LGSN: variants seen among roughly 807,000 people sequenced by gnomAD.
LGSN encodes lengsin, lens protein with glutamine synthetase domain.
In LGSN, 21 loss-of-function variants were observed where a neutral mutation model predicts 19.5. The ratio of observed to expected loss-of-function variants is 1.07; its 90% CI spans 0.76 to 1.55. The LOEUF (loss-of-function observed/expected upper bound fraction) is 1.55, where lower values mean the gene tolerates loss of function less well. LGSN is among the 40% of genes most tolerant of loss of function. The pLI is 0.00. For synonymous variants in LGSN, 257 were observed against 215.6 expected (o/e 1.19, Z -1.68); for missense variants, 673 against 608.5 (o/e 1.11, Z -1.12).
At chr6:63,479,061 G>C in the LGSN span, among the ~76,000 whole-genome samples, 1 of 152,272 alleles carries the variant, frequency 6.6e-6, no homozygotes, top group South Asian at 2.1e-4. Flanking sequence ...TAACTCACTG[G>C]TCTGTCTGGA....
At chr6:63,450,073 A>G in the LGSN span, among the ~76,000 whole-genome samples, 1 of 151,660 alleles carries the variant, frequency 6.6e-6, no homozygotes, top group Non-Finnish European at 1.5e-5. Flanking sequence ...ATGGCCAGGC[A>G]TGGTGGCTCA....
At chr6:63,572,589 C>T in the LGSN span, 2 of 416,264 alleles carry the variant, frequency 4.8e-6, no homozygotes, top group African/African-American at 2.0e-5. Context: ...CCGCCTGCAT[C>T]GCCGCCACCG....
the LGSN span, among the ~76,000 whole-genome samples, chr6:63,552,132 T>A: frequency 6.6e-6 from 1 of 152,206 alleles, no homozygotes; most frequent in Non-Finnish European, 1.5e-5. Context: ...ACTTCCACAA[T>A]GGTTGAACTA....
intron 2 of LGSN, among the ~76,000 whole-genome samples, chr6:63,290,655 C>T (rs915079166): frequency 1.3e-5 from 2 of 152,166 alleles, no homozygotes; most frequent in Non-Finnish European, 2.9e-5. Flanking sequence ...CTCTACTTCA[C>T]GGGGTGGCAA....
At chr6:63,453,331 T>C in the LGSN span, among the ~76,000 whole-genome samples, 1 of 152,178 alleles carries the variant, frequency 6.6e-6, no homozygotes, top group Admixed American at 6.5e-5. Flanking sequence ...TCCTTTCTAA[T>C]TTTCTCTCTA....
At chr6:63,412,733 A>C in the LGSN span, among the ~76,000 whole-genome samples, 32 of 54,388 alleles carry the variant, frequency 5.9e-4, no homozygotes, top group African/African-American at 3.3e-3. Flanking sequence ...GAAAGAAAGA[A>C]AGAAAGAAAG....
At chr6:63,488,107 T>C in the LGSN span, among the ~76,000 whole-genome samples, 2 of 152,232 alleles carry the variant, frequency 1.3e-5, no homozygotes, top group South Asian at 2.1e-4. Flanking sequence ...ATATTAATAA[T>C]ATCCAGCTGC....
At chr6:63,467,730 T>G in the LGSN span, among the ~76,000 whole-genome samples, 1 of 152,176 alleles carries the variant, frequency 6.6e-6, no homozygotes, top group African/African-American at 2.4e-5. Context: ...CTCACTCTGT[T>G]GCCCAGGCTG....
chr6:63,443,512 ACACCATC>A, the LGSN span: 1 of 577,408 alleles, frequency 1.7e-6, no homozygotes. Flanking sequence ...ACCAGCGTGA[ACACCATC>A]TGTGACAATG....
the LGSN span, among the ~76,000 whole-genome samples, chr6:63,451,672 A>C: frequency 6.6e-6 from 1 of 152,148 alleles, no homozygotes; most frequent in African/African-American, 2.4e-5. Flanking sequence ...CTGGGTGATG[A>C]AATAATCTGT....
intron 1 of LGSN, among the ~76,000 whole-genome samples, chr6:63,316,394 G>A (rs1319654028): frequency 6.6e-6 from 1 of 152,070 alleles, no homozygotes; most frequent in Non-Finnish European, 1.5e-5. Flanking sequence ...ACCTCTGTGG[G>A]CAAGTTATGC....
At chr6:63,557,735 C>T in the LGSN span, among the ~76,000 whole-genome samples, 5 of 151,886 alleles carry the variant, frequency 3.3e-5, no homozygotes, top group African/African-American at 7.3e-5. Context: ...GAGTGGAGCA[C>T]GAGGTAGGGC....
the LGSN span, among the ~76,000 whole-genome samples, chr6:63,443,751 A>C: frequency 6.6e-6 from 1 of 152,136 alleles, no homozygotes. Context: ...TTCCTTAGTC[A>C]GGGTTTCCTG....
the LGSN span, among the ~76,000 whole-genome samples, chr6:63,423,907 G>T: frequency 2.0e-5 from 3 of 152,084 alleles, no homozygotes; most frequent in African/African-American, 7.2e-5. Flanking sequence ...GGGCATGGTG[G>T]CGCATGCCTG....
chr6:63,387,885 AG>A, the LGSN span, among the ~76,000 whole-genome samples: 1 of 151,816 alleles, frequency 6.6e-6, no homozygotes, highest in Non-Finnish European at 1.5e-5. Context: ...ATTGATTTTG[AG>A]TCAGAGTCTT....
chr6:63,392,571 C>G, the LGSN span: 1 of 152,252 alleles, frequency 6.6e-6, no homozygotes, highest in African/African-American at 2.4e-5. Context: ...GGTGCCCATG[C>G]GCCACAGACC....
chr6:63,526,742 T>A, the LGSN span, among the ~76,000 whole-genome samples: 3 of 145,888 alleles, frequency 2.1e-5, no homozygotes, highest in South Asian at 4.4e-4. Flanking sequence ...GAGGCTGCAG[T>A]GAGTCGAGAT....
At chr6:63,528,190 A>G in the LGSN span, 1 of 152,238 alleles carries the variant, frequency 6.6e-6, no homozygotes, top group South Asian at 2.1e-4. Context: ...CTAGTGAGCC[A>G]CTGAAATTCT....
At chr6:63,313,218 C>A (rs1253647075) in intron 1 of LGSN, among the ~76,000 whole-genome samples, 1 of 151,926 alleles carries the variant, frequency 6.6e-6, no homozygotes, top group Non-Finnish European at 1.5e-5. Flanking sequence ...ACCAATGGAC[C>A]ATGCTGCTGA....
Sources: gnomAD v4.1 joint callset for allele counts (sites outside exome capture counted in the v4.1 genomes callset) on GRCh38, gnomAD v4.1.1 for gene constraint, MANE v1.5 for transcripts, NCBI Gene and HGNC (gene_info 2026-07-23, HGNC 2026-07-21) for gene names.